GALNT16: variants seen among roughly 807,000 people sequenced by gnomAD.
GALNT16 encodes polypeptide N-acetylgalactosaminyltransferase 16.
A neutral mutation model predicts 76.1 loss-of-function variants in GALNT16; 40 were observed. That is an observed-to-expected ratio of 0.53 (90% CI 0.41 to 0.68). GALNT16 has a LOEUF of 0.68. Among genes scored for constraint, GALNT16 ranks in the 30% least tolerant of loss-of-function variants. GALNT16 has a pLI of 0.00. For synonymous variants in GALNT16, 276 were observed against 285.2 expected (o/e 0.97, Z 0.32); for missense variants, 621 against 731.9 (o/e 0.85, Z 1.75).
chr14:69,336,345 C>T (rs189408969), intron 9 of GALNT16, among the ~76,000 whole-genome samples: 6,102 of 152,188 alleles, frequency 0.04, 149 homozygotes, highest in South Asian at 0.054. Context: ...CCTGACCTCT[C>T]AGGTGATCCA....
chr14:69,276,493 C>T (rs147070390), intron 1 of GALNT16, among the ~76,000 whole-genome samples: 196 of 152,084 alleles, frequency 1.3e-3, no homozygotes, highest in African/African-American at 4.6e-3. Context: ...CCATCCTGGC[C>T]AACATGGTGA....
the GALNT16 span, among the ~76,000 whole-genome samples, chr14:69,382,924 GA>G: frequency 1.3e-5 from 2 of 152,106 alleles, no homozygotes; most frequent in Non-Finnish European, 2.9e-5. Flanking sequence ...TGGCACAGAT[GA>G]ATCTTTTAAC....
intron 12 of GALNT16, among the ~76,000 whole-genome samples, chr14:69,344,193 T>C (rs2045532438): frequency 6.6e-6 from 1 of 152,250 alleles, no homozygotes; most frequent in Admixed American, 6.5e-5. Context: ...GCCGTGGCTC[T>C]GCCCCTTCTC....
intron 1 of GALNT16, among the ~76,000 whole-genome samples, chr14:69,318,622 A>T (rs906935743): frequency 7.2e-5 from 11 of 152,184 alleles, no homozygotes; most frequent in Admixed American, 7.2e-4. Context: ...TGAGTGTGGG[A>T]TGAGGACTCA....
Position 69,352,384 on chromosome 14 carries a change from G to C in GALNT16, c.*216G>C. The C allele has an allele frequency of 1.8e-6, 1 of 547,264 alleles. No homozygotes were observed. The highest frequency in any genetic ancestry group is 3.5e-5 in the Admixed American group (1 of 28,178). 33.9% of individuals were successfully genotyped at this position (547,264 alleles called of 1,614,324 possible). A position where few individuals can be genotyped will look rare whatever the true frequency, so the allele number is the denominator to read the frequency against. ...CTCAGTGCTGTCCTGGCCTTGCCCC[G>C]GGAGAGGAGATGGTCAGGGTGCTGG... On this transcript the variant is annotated 3_prime_UTR_variant, in exon 15 of 15. Transcript: ENST00000448469.
intron 5 of GALNT16, 62 bp downstream of exon 5, chr14:69,326,089 C>G: frequency 8.0e-7 from 1 of 1,242,980 alleles, no homozygotes; most frequent in Non-Finnish European, 1.2e-6. Flanking sequence ...GTGCACTTCC[C>G]CACTCTCTCT....
intron 1 of GALNT16, among the ~76,000 whole-genome samples, chr14:69,307,898 G>A (rs1229064686): frequency 6.6e-6 from 1 of 151,136 alleles, no homozygotes; most frequent in Non-Finnish European, 1.5e-5. Flanking sequence ...CCCACCCCCA[G>A]TCCCACCCTG....
intron 1 of GALNT16, among the ~76,000 whole-genome samples, chr14:69,267,250 T>C (rs1026110089): frequency 1.3e-5 from 2 of 152,180 alleles, no homozygotes; most frequent in African/African-American, 4.8e-5. Context: ...AGAGACAGTA[T>C]GGTCACCCAG....
intron 14 of GALNT16, 93 bp downstream of exon 14, chr14:69,348,095 CAAAT>C (rs369104894): frequency 2.3e-6 from 3 of 1,310,002 alleles, no homozygotes; most frequent in Non-Finnish European, 3.3e-6. Context: ...CTGATTGACT[CAAAT>C]AAGCCCTTCA....
chr14:69,319,318 C>A (rs1147472), intron 1 of GALNT16, among the ~76,000 whole-genome samples: 1 of 152,232 alleles, frequency 6.6e-6, no homozygotes, highest in Non-Finnish European at 1.5e-5. Flanking sequence ...CATAGAGGCC[C>A]TGAGCTGCTG....
intron 2 of GALNT16, 58 bp downstream of exon 2, chr14:69,320,926 T>G (rs2045172043): frequency 6.6e-7 from 1 of 1,512,264 alleles, no homozygotes; most frequent in African/African-American, 1.4e-5. Flanking sequence ...CAACATTGTT[T>G]AGTTTGTCTT....
intron 1 of GALNT16, among the ~76,000 whole-genome samples, chr14:69,297,444 C>A (rs1033784944): frequency 6.6e-6 from 1 of 152,080 alleles, no homozygotes; most frequent in African/African-American, 2.4e-5. Context: ...TTCTTATACA[C>A]CTTGACTCAT....
At chr14:69,324,402 A>G (rs1245139132) in intron 2 of GALNT16, among the ~76,000 whole-genome samples, 1 of 152,042 alleles carries the variant, frequency 6.6e-6, no homozygotes, top group African/African-American at 2.4e-5. Context: ...TGTATATACT[A>G]GGGAGCCCCC....
At chr14:69,362,113 G>A in the GALNT16 span, among the ~76,000 whole-genome samples, 4 of 152,200 alleles carry the variant, frequency 2.6e-5, no homozygotes, top group African/African-American at 7.2e-5. Flanking sequence ...AGGCGATTGC[G>A]AATGGTCTGC....
chr14:69,340,350 A>G (rs1474730179), intron 11 of GALNT16, among the ~76,000 whole-genome samples: 1 of 152,130 alleles, frequency 6.6e-6, no homozygotes, highest in Admixed American at 6.5e-5. Flanking sequence ...CCTATGCACA[A>G]CCTCCTGAAT....
chr14:69,348,306 G>T (rs1811797044), intron 14 of GALNT16: 2 of 552,614 alleles, frequency 3.6e-6, no homozygotes, highest in Non-Finnish European at 6.4e-6. Context: ...GTTCAAATAA[G>T]TGTTAGCTTT....
the GALNT16 span, among the ~76,000 whole-genome samples, chr14:69,371,722 G>T: frequency 6.6e-6 from 1 of 151,598 alleles, no homozygotes; most frequent in Admixed American, 6.6e-5. Flanking sequence ...GAGGTGGGTG[G>T]ATCATGAGGT....
chr14:69,366,163 C>T, the GALNT16 span, among the ~76,000 whole-genome samples: 3 of 152,162 alleles, frequency 2.0e-5, no homozygotes, highest in Admixed American at 2.0e-4. Flanking sequence ...TGTAAGATTT[C>T]ACAGAGGAAT....
chr14:69,295,787 T>TA (rs1362239550), intron 1 of GALNT16, among the ~76,000 whole-genome samples: 2 of 72,510 alleles, frequency 2.8e-5, no homozygotes, highest in African/African-American at 1.2e-4. Flanking sequence ...TCACAATATA[T>TA]TTTTTTTTCT....
Sources: gnomAD v4.1 joint callset for allele counts (sites outside exome capture counted in the v4.1 genomes callset) on GRCh38, gnomAD v4.1.1 for gene constraint, MANE v1.5 for transcripts, NCBI Gene and HGNC (gene_info 2026-07-23, HGNC 2026-07-21) for gene names.